The following NDUFB8 variants were observed in gnomAD, a reference collection of about 807,000 sequenced individuals.
NDUFB8 encodes NADH:ubiquinone oxidoreductase subunit B8, also known as NADH dehydrogenase [ubiquinone] 1 beta subcomplex subunit 8, mitochondrial.
NDUFB8 carries 17 observed loss-of-function variants against 26.0 expected under a neutral mutation model. The observed-to-expected ratio is 0.65, with a 90% CI of 0.45 to 0.98. The LOEUF (loss-of-function observed/expected upper bound fraction) is 0.98, where lower values mean the gene tolerates loss of function less well. Among genes scored for constraint, NDUFB8 ranks in the 50% least tolerant of loss-of-function variants. The pLI is 0.00. For missense variants in NDUFB8, 238 were observed against 255.0 expected (o/e 0.93, Z 0.45); for synonymous variants, 89 against 93.1 (o/e 0.96, Z 0.25).
In NDUFB8 at chr10:100,527,079, A is replaced by G. The variant is rs1852065227; in HGVS notation, c.213-5T>C. On this transcript the variant is annotated splice_polypyrimidine_tract_variant and splice_region_variant and intron_variant, in intron 2 of 4. Coordinates refer to ENST00000299166, the MANE Select transcript of NDUFB8 (RefSeq NM_005004.4). ...AGCTTCGGGTAGTCGCCATACCTGA[A>G]AGACAGCAAGAACTTCTGGAAAGGG... 1.9e-6 allele frequency: 3 copies of G among 1,613,038 alleles called. No homozygotes were observed. The highest frequency in any genetic ancestry group is 2.5e-6 in the Non-Finnish European group (3 of 1,179,144).
chr10:100,529,772 C>A lies in NDUFB8; in HGVS notation c.80G>T (p.Arg27Leu). Residue 27 changes from arginine to leucine, a missense_variant, in exon 1 of 5, where the codon CGG (arginine) becomes CTG (leucine). Physicochemically the swap from Arg to Leu is moderately radical, Grantham distance 102. Transcript: ENST00000299166. ...TCTCGCCCGTTCTCGCGGACCTGTCCGTGCGCCCAGCGGCATCACGTTCCG... is the reference window on the plus strand; with the variant it reads ...TCTCGCCCGTTCTCGCGGACCTGTCAGTGCGCCCAGCGGCATCACGTTCCG... Reference protein sequence around the residue: ...ASRNVMPLGARTASHMTKDMF... With the variant: ...ASRNVMPLGALTASHMTKDMF... The A allele has an allele frequency of 1.2e-6, 2 of 1,613,314 alleles. No homozygotes were observed. The highest frequency in any genetic ancestry group is 3.3e-5 in the Admixed American group (2 of 59,986).
In NDUFB8 at chr10:100,524,054, G is replaced by A. The variant is rs931811380; in HGVS notation, c.469-125C>T. 6.3e-7 allele frequency: 1 copy of A among 1,582,592 alleles called. No individual in the cohort carries two copies. The highest frequency in any genetic ancestry group is 8.6e-7 in the Non-Finnish European group (1 of 1,163,872). On this transcript the variant is annotated intron_variant, in intron 4 of 4. Coordinates refer to ENST00000299166, the MANE Select transcript of NDUFB8 (RefSeq NM_005004.4). The surrounding 1 kb of genome is among the most constrained non-coding windows in gnomAD (Gnocchi z 4.0). Reference sequence around the variant, plus strand: ...GTAGCCTCTGGTCAGACCCAGCTGGGCTAGGAAGGCAGGAACAGCACTCCT... The same window carrying A: ...GTAGCCTCTGGTCAGACCCAGCTGGACTAGGAAGGCAGGAACAGCACTCCT...
In NDUFB8 at chr10:100,529,332, G is replaced by A. The variant is rs777941685; in HGVS notation, c.212+48C>T. The stretch of plus-strand genomic sequence containing the variant: ...ACAGTCAAGCCACCCAACCCAGCCG[G>A]CCTTCTCCCATCACTACTTGGGTGC... On this transcript the variant is annotated intron_variant, in intron 2 of 4. Coordinates refer to ENST00000299166, the MANE Select transcript of NDUFB8 (RefSeq NM_005004.4). The A allele has an allele frequency of 5.3e-6, 8 of 1,509,434 alleles. No individual in the cohort carries two copies. The South Asian group carries it at 8.8e-5, about 17-fold the overall frequency. The allele number at this position is 1,509,434 out of a possible 1,614,324, so 93.5% of individuals were successfully genotyped here. A position where few individuals can be genotyped will look rare whatever the true frequency, so the allele number is the denominator to read the frequency against.
At position 100,529,394 on chromosome 10, in the gene NDUFB8, C is replaced by A. The variant is rs1589747709; in HGVS notation, c.198G>T (p.Pro66=). ...NMRVEDYEPY[P]DDGMGYGDYP... is the part of the protein sequence containing the mutation. ...CTCTGTCTCACCCCATGCCATCATCCGGGTAAGGTTCGTAGTCTTCCACAC... is the reference window on the plus strand; with the variant it reads ...CTCTGTCTCACCCCATGCCATCATCAGGGTAAGGTTCGTAGTCTTCCACAC... Residue 66 remains proline (P), a synonymous_variant, in exon 2 of 5, where the codon CCG becomes CCT. Coordinates refer to ENST00000299166, the MANE Select transcript of NDUFB8 (RefSeq NM_005004.4). 1.2e-6 allele frequency: 2 copies of A among 1,608,912 alleles called. No individual in the cohort carries two copies. The highest frequency in any genetic ancestry group is 1.1e-5 in the South Asian group (1 of 90,502).
intron 1 of NDUFB8, 69 bp downstream of exon 1, chr10:100,529,698 C>A: frequency 6.4e-7 from 1 of 1,560,876 alleles, no homozygotes; most frequent in South Asian, 1.1e-5. Context: ...CATCTACGAT[C>A]CCCCCTCCCG....
chr10:100,527,746 A>G (rs942486423), intron 2 of NDUFB8, among the ~76,000 whole-genome samples: 1 of 152,266 alleles, frequency 6.6e-6, no homozygotes, highest in Non-Finnish European at 1.5e-5. Flanking sequence ...ATTTCAGTCA[A>G]TGACGGACAA....
chr10:100,529,228 C>T, intron 2 of NDUFB8, 152 bp downstream of exon 2: 1 of 177,898 alleles, frequency 5.6e-6, no homozygotes, highest in Non-Finnish European at 1.2e-5. Context: ...CACCCACCCC[C>T]CTCCCACCTC....
intron 2 of NDUFB8, among the ~76,000 whole-genome samples, chr10:100,527,636 C>A (rs972617673): frequency 6.6e-6 from 1 of 151,964 alleles, no homozygotes. Flanking sequence ...ACCCAGCTTC[C>A]CCAAACTTCT....
At chr10:100,528,647 G>A (rs1395304862) in intron 2 of NDUFB8, among the ~76,000 whole-genome samples, 2 of 152,264 alleles carry the variant, frequency 1.3e-5, no homozygotes, top group African/African-American at 4.8e-5. Context: ...GGCTGCTCTT[G>A]TCCACAACAT....
chr10:100,526,748 G>A (rs1359256723), intron 3 of NDUFB8, 194 bp from the exon 4 acceptor site: 1 of 760,384 alleles, frequency 1.3e-6, no homozygotes, highest in Admixed American at 2.7e-5. Flanking sequence ...CTGCTGAATA[G>A]GGACAGCTCC....
Position 100,529,688 on chromosome 10 carries a change from C to A in NDUFB8, c.85+79G>T, listed in dbSNP as rs887337075. On this transcript the variant is annotated intron_variant, in intron 1 of 4. Transcript: ENST00000299166. ...CCCTACCCGGAGGCTGCCGCCGCGG[C>A]ATCTACGATCCCCCCTCCCGATACA... The A allele has an allele frequency of 1.2e-5, 19 of 1,553,994 alleles. No homozygotes were observed. In the Admixed American group the frequency reaches 3.3e-4, roughly 27 times the overall value.
intron 4 of NDUFB8, 101 bp downstream of exon 4, chr10:100,526,298 G>A: frequency 1.4e-6 from 2 of 1,381,728 alleles, no homozygotes. Context: ...ACTCCAGGAA[G>A]CCAAGCTTGG....
At position 100,529,286 on chromosome 10, in the gene NDUFB8, G is replaced by A. The variant is rs1337657339; in HGVS notation, c.212+94C>T. On this transcript the variant is annotated intron_variant, in intron 2 of 4. Coordinates refer to ENST00000299166, the MANE Select transcript of NDUFB8 (RefSeq NM_005004.4). Reference sequence around the variant, plus strand: ...CTCCATTGACTCTGAGGGGTCACGAGAAGGTTCGGGAAAAAGGGTCACAGT... The same window carrying A: ...CTCCATTGACTCTGAGGGGTCACGAAAAGGTTCGGGAAAAAGGGTCACAGT... 4 of 1,255,588 alleles carry A rather than the reference G, an allele frequency of 3.2e-6. No homozygotes were observed. The Admixed American group carries it at 1.4e-4, about 44-fold the overall frequency. The allele number at this position is 1,255,588 out of a possible 1,614,324, so 77.8% of individuals were successfully genotyped here. A position where few individuals can be genotyped will look rare whatever the true frequency, so the allele number is the denominator to read the frequency against.
chr10:100,529,375 C>T lies in NDUFB8; in HGVS notation c.212+5G>A. On this transcript the variant is annotated splice_donor_5th_base_variant and intron_variant, in intron 2 of 4. Coordinates refer to ENST00000299166, the MANE Select transcript of NDUFB8 (RefSeq NM_005004.4). ...TTGGGTGCGAGCATACCCTCTCTGT[C>T]TCACCCCATGCCATCATCCGGGTAA... 1 of 1,604,506 alleles carries T rather than the reference C, an allele frequency of 6.2e-7. No individual in the cohort carries two copies. The highest frequency in any genetic ancestry group is 2.2e-5 in the East Asian group (1 of 44,566).
chr10:100,528,301 G>GT (rs368387070), intron 2 of NDUFB8, among the ~76,000 whole-genome samples: 247 of 152,306 alleles, frequency 1.6e-3, no homozygotes, highest in African/African-American at 5.5e-3. Flanking sequence ...CTAGGTTTCT[G>GT]TAAGTACACT....
At chr10:100,525,539 G>A (rs1272630353) in intron 4 of NDUFB8, among the ~76,000 whole-genome samples, 2 of 151,950 alleles carry the variant, frequency 1.3e-5, no homozygotes, top group African/African-American at 2.4e-5. Flanking sequence ...GATTACAGGC[G>A]CAAACCACCA....
chr10:100,529,829 A>T lies in NDUFB8; in HGVS notation c.23T>A (p.Val8Asp). The stretch of plus-strand genomic sequence containing the variant: ...CCTTTGCAGCCACTGGACTCCCAAG[A>T]CCCCGGCCCTGGCCACCGCCATCTT... MAVARAG[V>D]LGVQWLQRAS... Residue 8 changes from valine (V) to aspartate (D), a missense_variant, in exon 1 of 5, where the codon GTC (valine) becomes GAC (aspartate). Coordinates refer to ENST00000299166, the MANE Select transcript of NDUFB8 (RefSeq NM_005004.4). 1.2e-6 allele frequency: 2 copies of T among 1,612,898 alleles called. No homozygotes were observed. Among genetic ancestry groups the T allele is most frequent in the Non-Finnish European group, 1.7e-6 (2 of 1,179,660 alleles).
chr10:100,523,812 G>A lies in NDUFB8; in HGVS notation c.*25C>T, dbSNP rs1284621853. Reference sequence around the variant, plus strand: ...TAGGAATGAGGGAGTCCTAGTTAGAGGACCCAAAAGCCCACGAAGCCTCCT... The same window carrying A: ...TAGGAATGAGGGAGTCCTAGTTAGAAGACCCAAAAGCCCACGAAGCCTCCT... On this transcript the variant is annotated 3_prime_UTR_variant, in exon 5 of 5. Transcript: ENST00000299166. 5 of 1,595,986 alleles carry A rather than the reference G, an allele frequency of 3.1e-6. No homozygotes were observed. In the Admixed American group the frequency reaches 5.0e-5, roughly 16 times the overall value.
chr10:100,525,556 GC>G (rs1245637394), intron 4 of NDUFB8, among the ~76,000 whole-genome samples: 2 of 151,928 alleles, frequency 1.3e-5, no homozygotes, highest in Admixed American at 6.6e-5. Flanking sequence ...ACCATACCTG[GC>G]CGCCTTCATT....
Sources: gnomAD v4.1 joint callset for allele counts (sites outside exome capture counted in the v4.1 genomes callset) on GRCh38, gnomAD v4.1.1 for gene constraint, Gnocchi (gnomAD v3.1) non-coding constraint, MANE v1.5 for transcripts, NCBI Gene and HGNC (gene_info 2026-07-23, HGNC 2026-07-21) for gene names.